MMP16: variants seen among roughly 807,000 people sequenced by gnomAD.
MMP16 encodes matrix metalloproteinase-16.
Under a neutral mutation model 67.8 loss-of-function variants are expected in MMP16, and 12 were observed. The ratio of observed to expected loss-of-function variants is 0.18; its 90% CI spans 0.11 to 0.29. The LOEUF is 0.29. Ranked by LOEUF, MMP16 falls within the 10% of genes least tolerant of loss-of-function variation. The pLI, the probability that MMP16 is intolerant of heterozygous loss-of-function variation, is 1.00. For synonymous variants in MMP16, 249 were observed against 255.9 expected (o/e 0.97, Z 0.26); for missense variants, 475 against 765.7 (o/e 0.62, Z 4.48).
chr8:88,196,265 T>C (rs145349172), intron 2 of MMP16, among the ~76,000 whole-genome samples: 2 of 152,302 alleles, frequency 1.3e-5, no homozygotes, highest in Non-Finnish European at 2.9e-5. Flanking sequence ...ACTTTGTGAG[T>C]ATCAAGGATT....
intron 1 of MMP16, among the ~76,000 whole-genome samples, chr8:88,277,899 GT>G (rs1810673338): frequency 6.6e-6 from 1 of 152,162 alleles, no homozygotes; most frequent in Non-Finnish European, 1.5e-5. Context: ...TCCTCATGCA[GT>G]AACATTTGAT....
chr8:88,175,625 T>C (rs920608975), intron 3 of MMP16, among the ~76,000 whole-genome samples: 2 of 152,192 alleles, frequency 1.3e-5, no homozygotes, highest in African/African-American at 2.4e-5. Flanking sequence ...ATACTAACCA[T>C]ACTTCAAGCA....
At chr8:88,155,942 A>T (rs1157147111) in intron 4 of MMP16, among the ~76,000 whole-genome samples, 18 of 152,106 alleles carry the variant, frequency 1.2e-4, no homozygotes, top group Admixed American at 1.2e-3. Flanking sequence ...ACCTAGCCTT[A>T]GGCAAGTCAA....
intron 4 of MMP16, among the ~76,000 whole-genome samples, chr8:88,155,145 T>C (rs956705751): frequency 1.3e-5 from 2 of 152,122 alleles, no homozygotes; most frequent in Admixed American, 6.6e-5. Flanking sequence ...ATTTTGTTTC[T>C]ATCTTTATAT....
chr8:88,185,151 T>C (rs1351681159), intron 3 of MMP16, among the ~76,000 whole-genome samples: 1 of 152,010 alleles, frequency 6.6e-6, no homozygotes, highest in African/African-American at 2.4e-5. Flanking sequence ...CATAAAAATA[T>C]ACAAGAAGAC....
chr8:88,184,220 A>G (rs528460991), intron 3 of MMP16, among the ~76,000 whole-genome samples: 1 of 152,262 alleles, frequency 6.6e-6, no homozygotes, highest in African/African-American at 2.4e-5. Context: ...TCACATGCCT[A>G]CTAAATTTCC....
chr8:88,049,443 G>A (rs1387517306), intron 8 of MMP16, among the ~76,000 whole-genome samples: 2 of 152,074 alleles, frequency 1.3e-5, no homozygotes, highest in Non-Finnish European at 2.9e-5. Flanking sequence ...ATATCTCAGT[G>A]GGGTTTACAA....
chr8:88,154,882 A>G lies in MMP16; in HGVS notation c.709+12787T>C, dbSNP rs534309427. Among the ~76,000 whole-genome samples, 556 of 148,886 alleles carry G rather than the reference A, an allele frequency of 3.7e-3. 7 individuals are homozygous for G. The highest frequency in any genetic ancestry group is 0.012 in the African/African-American group (486 of 40,332). ...TAAAGTATAATACAAAAAAAAAAAG[A>G]AAAAAAAAAGAAATACGTGTATTAT... On this transcript the variant is annotated intron_variant, in intron 4 of 9. Transcript: ENST00000286614.
At chr8:88,220,399 T>C (rs1268990046) in intron 1 of MMP16, among the ~76,000 whole-genome samples, 3 of 152,148 alleles carry the variant, frequency 2.0e-5, no homozygotes, top group African/African-American at 7.2e-5. Flanking sequence ...TCTATAGAAA[T>C]CCCTTTGTCT....
chr8:88,304,462 C>CT (rs1361346420), intron 1 of MMP16, among the ~76,000 whole-genome samples: 2 of 152,090 alleles, frequency 1.3e-5, no homozygotes, highest in East Asian at 3.9e-4. Context: ...GTAAGATACT[C>CT]TAAAACAAGA....
Position 88,036,477 on chromosome 8 carries a change from G to A in MMP16, c.*4984C>T, listed in dbSNP as rs1002457539. The A allele has an allele frequency of 1.1e-4, 17 of 151,748 alleles. No homozygotes were observed. Among genetic ancestry groups the A allele is most frequent in the African/African-American group, 3.9e-4 (16 of 41,450 alleles). 9.4% of individuals were successfully genotyped at this position (151,748 alleles called of 1,614,324 possible). A position where few individuals can be genotyped will look rare whatever the true frequency, so the allele number is the denominator to read the frequency against. ...ATTTGTTGCGTTGCTATTCCTGGTT[G>A]CCGCTTTATTTATTACATAAAATTC... On this transcript the variant is annotated 3_prime_UTR_variant, in exon 10 of 10. Coordinates refer to ENST00000286614, the MANE Select transcript of MMP16 (RefSeq NM_005941.5).
At chr8:88,147,978 C>T (rs544999401) in intron 4 of MMP16, among the ~76,000 whole-genome samples, 5 of 152,150 alleles carry the variant, frequency 3.3e-5, no homozygotes, top group Non-Finnish European at 4.4e-5. Context: ...TACTATTTTC[C>T]GTATCTCCTA....
At chr8:88,232,009 T>C (rs977962927) in intron 1 of MMP16, among the ~76,000 whole-genome samples, 2 of 152,110 alleles carry the variant, frequency 1.3e-5, no homozygotes, top group African/African-American at 4.8e-5. Flanking sequence ...AATTCTGAGT[T>C]CGTTTTCCTG....
At chr8:88,212,417 A>G (rs17666351) in intron 1 of MMP16, among the ~76,000 whole-genome samples, 9,723 of 152,236 alleles carry the variant, frequency 0.064, 337 homozygotes, top group African/African-American at 0.08. Context: ...GAATAGCACA[A>G]AACAGCTCAA....
chr8:88,176,880 C>T (rs1808900950), intron 3 of MMP16, among the ~76,000 whole-genome samples: 1 of 152,106 alleles, frequency 6.6e-6, no homozygotes, highest in African/African-American at 2.4e-5. Flanking sequence ...TCTCCTTGGC[C>T]TTCACTGTTC....
Position 88,041,036 on chromosome 8 carries a change from GAAAAAAAGA to G in MMP16, c.*416_*424del, listed in dbSNP as rs865818852. 6.5e-6 allele frequency: 1 copy of G among 153,430 alleles called. No individual in the cohort carries two copies. Among genetic ancestry groups the G allele is most frequent in the South Asian group, 2.1e-4 (1 of 4,814 alleles). The allele number at this position is 153,430 out of a possible 1,614,324, so 9.5% of individuals were successfully genotyped here. ...GCAAAAAAAGAAAAAAAGAAAAAAA[GAAAAAAAGA>G]AAAACCGTGGGTTTTCTGATTTGCT... is the stretch of plus-strand genomic sequence containing the variant. On this transcript the variant is annotated 3_prime_UTR_variant, in exon 10 of 10. Coordinates refer to ENST00000286614, the MANE Select transcript of MMP16 (RefSeq NM_005941.5). This position sits in a 1 kb window ranked among gnomAD's most constrained non-coding sequence, Gnocchi z 6.0.
chr8:88,254,724 T>C (rs889269794), intron 1 of MMP16, among the ~76,000 whole-genome samples: 11 of 152,194 alleles, frequency 7.2e-5, no homozygotes, highest in East Asian at 1.9e-4. Context: ...ACTGTCATTA[T>C]AGCAAAGAGT....
intron 3 of MMP16, among the ~76,000 whole-genome samples, chr8:88,180,732 C>CA (rs549068655): frequency 8.6e-5 from 13 of 150,768 alleles, no homozygotes; most frequent in Admixed American, 2.0e-4. Flanking sequence ...GATAAAGATA[C>CA]AAAAAAAAGA....
chr8:88,234,509 C>A (rs1455402056), intron 1 of MMP16, among the ~76,000 whole-genome samples: 1 of 152,166 alleles, frequency 6.6e-6, no homozygotes. Context: ...CATGGGTCCC[C>A]CCAGAAATTA....
Sources: gnomAD v4.1 joint callset for allele counts (sites outside exome capture counted in the v4.1 genomes callset) on GRCh38, gnomAD v4.1.1 for gene constraint, Gnocchi (gnomAD v3.1) non-coding constraint, MANE v1.5 for transcripts, NCBI Gene and HGNC (gene_info 2026-07-23, HGNC 2026-07-21) for gene names.